The following BAZ1B variants were observed in gnomAD, a reference collection of about 807,000 sequenced individuals.
BAZ1B encodes the protein tyrosine-protein kinase BAZ1B.
In BAZ1B, 22 loss-of-function variants were observed where a neutral mutation model predicts 153.8. That is an observed-to-expected ratio of 0.14 (90% CI 0.10 to 0.20). The LOEUF (loss-of-function observed/expected upper bound fraction) is 0.20, where lower values mean the gene tolerates loss of function less well. BAZ1B is among the 10% of genes least tolerant of loss of function. The probability of loss-of-function intolerance (pLI) is 1.00; values close to 1 mark genes in which losing one functional copy is unlikely to be tolerated. For synonymous variants in BAZ1B, 676 were observed against 633.4 expected, an observed-to-expected ratio of 1.07 and a Z score of -1.01; for missense variants, 1,325 against 1,799.3, an observed-to-expected ratio of 0.74 and a Z score of 4.77.
chr7:73,515,506 AGGGTCTGC>A (rs1392276329), intron 1 of BAZ1B, among the ~76,000 whole-genome samples: 1 of 148,852 alleles, frequency 6.7e-6, no homozygotes, highest in Admixed American at 6.7e-5. Flanking sequence ...TGTCACACAC[AGGGTCTGC>A]CCCTCCAGCC....
At chr7:73,518,414 A>G (rs1177743446) in intron 1 of BAZ1B, among the ~76,000 whole-genome samples, 1 of 151,028 alleles carries the variant, frequency 6.6e-6, no homozygotes, top group Non-Finnish European at 1.5e-5. Flanking sequence ...CTCCGTCTCA[A>G]AAAATAAATA....
chr7:73,444,007 C>G lies in BAZ1B; in HGVS notation c.3967G>C (p.Asp1323His). Residue 1323 changes from aspartate to histidine, a missense_variant, in exon 17 of 20, where the codon GAT becomes CAT. This residue lies in a region of BAZ1B where 271 missense variants were observed against 337.2 expected (regional missense o/e 0.80). Transcript: ENST00000339594. ...RRSQPKAPPV[D>H]DAEVDELVLQ... ...ACCAGCTCATCCACCTCAGCATCAT[C>G]CACAGGTGGTGCCTTGGGCTGAGAC... is the stretch of plus-strand genomic sequence containing the variant. 1 of 1,613,710 alleles carries G rather than the reference C, an allele frequency of 6.2e-7. No individual in the cohort carries two copies. Among genetic ancestry groups the G allele is most frequent in the Non-Finnish European group, 8.5e-7 (1 of 1,179,860 alleles).
intron 6 of BAZ1B, among the ~76,000 whole-genome samples, chr7:73,483,956 C>CT (rs1789296722): frequency 6.6e-6 from 1 of 152,140 alleles, no homozygotes; most frequent in Non-Finnish European, 1.5e-5. Flanking sequence ...AACAAACAAA[C>CT]TTTAAGAGCG....
At position 73,470,350 on chromosome 7, in the gene BAZ1B, A is replaced by G. The variant is rs1554571813; in HGVS notation, c.2727T>C (p.His909=). ...RRTPIGTDRN[H]NRYWLFSDEV... ...AATTTGGTTTAGGAACTGACCTATT[A>G]TGGTTTCGATCTGTGCCAATAGGAG... The change falls in exon 8 of 20, where the codon CAT becomes CAC. Residue 909 remains histidine (H), a synonymous_variant. Coordinates refer to ENST00000339594, the MANE Select transcript of BAZ1B (RefSeq NM_032408.4). The G allele has an allele frequency of 3.1e-6, 5 of 1,610,932 alleles. No homozygotes were observed. In the African/African-American group the frequency reaches 4.0e-5, roughly 13 times the overall value.
At chr7:73,444,961 C>A (rs1245567128) in intron 16 of BAZ1B, among the ~76,000 whole-genome samples, 1 of 152,058 alleles carries the variant, frequency 6.6e-6, no homozygotes, top group African/African-American at 2.4e-5. Flanking sequence ...TTGCAGTGAG[C>A]CGAGATCACG....
At chr7:73,510,931 A>T in intron 1 of BAZ1B, 79 bp from the exon 2 acceptor site, 2 of 1,157,078 alleles carry the variant, frequency 1.7e-6, no homozygotes, top group South Asian at 2.7e-5. Flanking sequence ...TTATATACAG[A>T]AAAAAATCTA....
chr7:73,456,937 C>CAAAAAAAAAAA (rs71071937), intron 13 of BAZ1B, among the ~76,000 whole-genome samples: 2 of 39,582 alleles, frequency 5.1e-5, no homozygotes, highest in Non-Finnish European at 9.0e-5. Context: ...GACTCTGTCT[C>CAAAAAAAAAAA]AAAAAAAAAA....
At chr7:73,464,091 A>G (rs1788490070) in intron 11 of BAZ1B, 1 of 945,132 alleles carries the variant, frequency 1.1e-6, no homozygotes, top group Non-Finnish European at 1.3e-6. Flanking sequence ...TTACACATTA[A>G]GCAGTGGGCT....
At chr7:73,476,832 C>T (rs1789018156) in intron 7 of BAZ1B, 36 bp downstream of exon 7, 2 of 1,557,946 alleles carry the variant, frequency 1.3e-6, no homozygotes, top group African/African-American at 1.4e-5. Context: ...CTATCTTCTA[C>T]AGAGCTTCCC....
intron 9 of BAZ1B, among the ~76,000 whole-genome samples, chr7:73,468,493 T>C (rs1215865907): frequency 2.0e-5 from 3 of 152,208 alleles, no homozygotes; most frequent in Non-Finnish European, 2.9e-5. Flanking sequence ...CCTAACCATC[T>C]TATTTTTTTA....
Position 73,498,678 on chromosome 7 carries a change from G to A in BAZ1B, c.390C>T (p.Leu130=). ...GATGAATCTTCACAATCTTCACCTTGAGCATTTTCTCCTTCCCAACCTATA... is the reference window on the plus strand; with the variant it reads ...GATGAATCTTCACAATCTTCACCTTAAGCATTTTCTCCTTCCCAACCTATA... The part of the protein sequence containing the change: ...CDFEVGKEKM[L]KVKIVKIHPL... The change falls in exon 4 of 20, where the codon CTC becomes CTT. Residue 130 remains leucine, a synonymous_variant. Transcript: ENST00000339594. 1 of 1,613,898 alleles carries A rather than the reference G, an allele frequency of 6.2e-7. No homozygotes were observed.
intron 1 of BAZ1B, among the ~76,000 whole-genome samples, chr7:73,516,575 G>A (rs1760430454): frequency 6.6e-6 from 1 of 151,500 alleles, no homozygotes; most frequent in African/African-American, 2.4e-5. Context: ...CTGAGGTCAG[G>A]AATTCGAGAC....
chr7:73,451,559 G>A (rs1330944630), intron 13 of BAZ1B, among the ~76,000 whole-genome samples: 4 of 152,310 alleles, frequency 2.6e-5, no homozygotes, highest in Middle Eastern at 3.4e-3. Flanking sequence ...GGGGAACAGG[G>A]CTGCTTTTTC....
chr7:73,455,270 T>TG (rs1318754425), intron 13 of BAZ1B, among the ~76,000 whole-genome samples: 8 of 151,680 alleles, frequency 5.3e-5, no homozygotes, highest in Non-Finnish European at 7.4e-5. Flanking sequence ...CAGATCTTTG[T>TG]GAAAAAAAAG....
chr7:73,481,133 G>A (rs1169843952), intron 6 of BAZ1B, among the ~76,000 whole-genome samples: 6 of 151,950 alleles, frequency 3.9e-5, no homozygotes, highest in Non-Finnish European at 7.4e-5. Context: ...CACTATGTTG[G>A]CCAGCCTGGT....
chr7:73,521,706 G>T, intron 1 of BAZ1B, 121 bp downstream of exon 1: 2 of 762,686 alleles, frequency 2.6e-6, no homozygotes, highest in Non-Finnish European at 3.6e-6. Context: ...CCCGCGAGCG[G>T]CCGGGGCGCG....
intron 6 of BAZ1B, among the ~76,000 whole-genome samples, chr7:73,487,382 T>C (rs1554574616): frequency 6.6e-6 from 1 of 152,130 alleles, no homozygotes; most frequent in African/African-American, 2.4e-5. Flanking sequence ...TGAACTGTGA[T>C]TGTCCCACTG....
intron 7 of BAZ1B, among the ~76,000 whole-genome samples, chr7:73,476,044 G>A (rs536874250): frequency 2.6e-4 from 40 of 151,894 alleles, no homozygotes; most frequent in African/African-American, 9.4e-4. Context: ...AAAACATTAT[G>A]CTAAGTGAAA....
chr7:73,492,791 T>C lies in BAZ1B; in HGVS notation c.693+9A>G. ...TCTATCACATGTAAAAAGTAAAGTGTCAACTAACCTTATCTTCATTTTGTA... is the reference window on the plus strand; with the variant it reads ...TCTATCACATGTAAAAAGTAAAGTGCCAACTAACCTTATCTTCATTTTGTA... On this transcript the variant is annotated intron_variant, in intron 5 of 19. Transcript: ENST00000339594. 1 of 1,590,926 alleles carries C rather than the reference T, an allele frequency of 6.3e-7. No homozygotes were observed.
Sources: allele counts gnomAD v4.1 joint callset (sites outside exome capture counted in the v4.1 genomes callset), GRCh38; gene constraint gnomAD v4.1.1; regional missense constraint gnomAD v4.1.1; transcripts MANE v1.5; gene names NCBI Gene and HGNC (gene_info 2026-07-23, HGNC 2026-07-21).